MMP15: variants seen among roughly 807,000 people sequenced by gnomAD.
The protein encoded by MMP15 is matrix metallopeptidase 15.
Under a neutral mutation model 65.0 loss-of-function variants are expected in MMP15, and 36 were observed. That is an observed-to-expected ratio of 0.55 (90% CI 0.42 to 0.73). The LOEUF is 0.73. MMP15 is among the 30% of genes least tolerant of loss of function. The pLI is 0.00. For synonymous variants in MMP15, 428 were observed against 410.2 expected (o/e 1.04, Z -0.52); for missense variants, 870 against 987.8 (o/e 0.88, Z 1.60).
chr16:58,026,652 T>C, intron 1 of MMP15, 140 bp downstream of exon 1: 3 of 987,604 alleles, frequency 3.0e-6, no homozygotes, highest in Non-Finnish European at 4.0e-6. Context: ...CAAGCGGACT[T>C]GGCAGTCTGC....
Position 58,037,500 on chromosome 16 carries a change from C to T in MMP15, c.191C>T (p.Pro64Leu), listed in dbSNP as rs1348466148. 1.2e-6 allele frequency: 2 copies of T among 1,613,458 alleles called. No homozygotes were observed. Among genetic ancestry groups the T allele is most frequent in the East Asian group, 2.2e-5 (1 of 44,888 alleles). ...TGGCTGCGGCTTTATGGCTACCTGC[C>T]TCAGCCCAGCCGCCATATGTCCACC... is the stretch of plus-strand genomic sequence containing the variant. ...ENWLRLYGYL[P>L]QPSRHMSTMR... The change falls in exon 2 of 10, where the codon CCT becomes CTT. Residue 64 changes from proline (P) to leucine (L), a missense_variant. Pro to Leu is a moderately conservative substitution (Grantham distance 98, BLOSUM62 -3). Transcript: ENST00000219271.
At chr16:58,035,080 G>A (rs531647963) in intron 1 of MMP15, among the ~76,000 whole-genome samples, 5 of 152,264 alleles carry the variant, frequency 3.3e-5, no homozygotes, top group Admixed American at 2.0e-4. Flanking sequence ...CCACTCCCCC[G>A]GCCTCCAGCT....
chr16:58,034,336 A>G (rs146181488), intron 1 of MMP15, among the ~76,000 whole-genome samples: 1 of 152,298 alleles, frequency 6.6e-6, no homozygotes, highest in Non-Finnish European at 1.5e-5. Flanking sequence ...ACCTGCAGGC[A>G]GCAGCACCTC....
intron 1 of MMP15, among the ~76,000 whole-genome samples, chr16:58,033,179 CG>C (rs1347195582): frequency 2.6e-5 from 4 of 152,242 alleles, no homozygotes; most frequent in Non-Finnish European, 5.9e-5. Flanking sequence ...CGCCCAGACC[CG>C]GCCGGAGATG....
chr16:58,031,216 G>C (rs1010756445), intron 1 of MMP15, among the ~76,000 whole-genome samples: 29 of 152,164 alleles, frequency 1.9e-4, no homozygotes, highest in African/African-American at 6.8e-4. Flanking sequence ...GTCTGGCCTG[G>C]AGCCCAAGTT....
intron 1 of MMP15, among the ~76,000 whole-genome samples, chr16:58,035,863 A>G (rs1049656891): frequency 5.3e-5 from 8 of 152,096 alleles, no homozygotes; most frequent in Admixed American, 2.0e-4. Context: ...TGCTCCGTCT[A>G]TTGGCAGCCT....
Position 58,043,569 on chromosome 16 carries a change from C to G in MMP15, c.1512C>G (p.Ile504Met), listed in dbSNP as rs536146303. 1 of 1,613,884 alleles carries G rather than the reference C, an allele frequency of 6.2e-7. No homozygotes were observed. The highest frequency in any genetic ancestry group is 1.1e-5 in the South Asian group (1 of 91,074). The change falls in exon 9 of 10, where the codon ATC (isoleucine) becomes ATG (methionine). Residue 504 changes from isoleucine to methionine, a missense_variant. By Grantham distance (10) the Ile-to-Met change is conservative. Transcript: ENST00000219271. ...GAGACCCTGGGTACCCCAAGCCCAT[C>G]AGTGTCTGGCAGGGGATCCCTGCCT... ...QRGDPGYPKP[I>M]SVWQGIPASP...
In MMP15 at chr16:58,026,283, C is replaced by T. The variant is rs1168713654; in HGVS notation, c.-68C>T. 8.0e-7 allele frequency: 1 copy of T among 1,242,734 alleles called. No homozygotes were observed. Among genetic ancestry groups the T allele is most frequent in the African/African-American group, 1.6e-5 (1 of 64,276 alleles). The allele number at this position is 1,242,734 out of a possible 1,614,324, so 77.0% of individuals were successfully genotyped here. ...TGCCGGGCCAGGAGCCAGGGAGCGT[C>T]GCAAGTTTCCAAGGCGCGTGCGAGG... On this transcript the variant is annotated 5_prime_UTR_variant, in exon 1 of 10. Coordinates refer to ENST00000219271, the MANE Select transcript of MMP15 (RefSeq NM_002428.4).
chr16:58,028,251 G>T (rs1355435038), intron 1 of MMP15, among the ~76,000 whole-genome samples: 4 of 152,172 alleles, frequency 2.6e-5, no homozygotes, highest in African/African-American at 9.7e-5. Flanking sequence ...CGCCAGGGAA[G>T]AAGCCATGGT....
chr16:58,032,145 G>A (rs1040754186), intron 1 of MMP15, among the ~76,000 whole-genome samples: 1 of 152,184 alleles, frequency 6.6e-6, no homozygotes, highest in South Asian at 2.1e-4. Context: ...AATTATAGGC[G>A]TGAGCTGCCA....
At chr16:58,038,508 G>A (rs1313595609) in intron 3 of MMP15, 114 bp downstream of exon 3, 21 of 1,373,628 alleles carry the variant, frequency 1.5e-5, no homozygotes, top group African/African-American at 2.8e-5. Flanking sequence ...CCGCTTTCAC[G>A]CTGATGAGAC....
intron 7 of MMP15, 131 bp downstream of exon 7, chr16:58,042,500 C>T: frequency 3.8e-6 from 5 of 1,309,464 alleles, no homozygotes; most frequent in Non-Finnish European, 5.2e-6. Flanking sequence ...TGGGCTCACT[C>T]TGGGAGGATG....
Position 58,038,422 on chromosome 16 carries a change from A to C in MMP15, c.440+28A>C, listed in dbSNP as rs762339421. ...AGGGGGCTCAGCTGCCCAGGGAAGC[A>C]TCTGCCCCTCGGCAGGCCGAGCCTC... On this transcript the variant is annotated intron_variant, in intron 3 of 9. Transcript: ENST00000219271. 2.5e-6 allele frequency: 4 copies of C among 1,612,614 alleles called. No homozygotes were observed. The African/African-American group carries it at 5.3e-5, about 22-fold the overall frequency.
chr16:58,033,369 A>G (rs558423528), intron 1 of MMP15, among the ~76,000 whole-genome samples: 1 of 152,186 alleles, frequency 6.6e-6, no homozygotes, highest in Non-Finnish European at 1.5e-5. Context: ...GGCACTCACT[A>G]TCTCTGAACC....
At chr16:58,039,702 C>G (rs183541752) in intron 3 of MMP15, among the ~76,000 whole-genome samples, 173 bp from the exon 4 acceptor site, 35 of 152,374 alleles carry the variant, frequency 2.3e-4, no homozygotes, top group African/African-American at 7.9e-4. Flanking sequence ...TTAATGATAT[C>G]TTCATGATCT....
chr16:58,035,878 A>G (rs947388550), intron 1 of MMP15, among the ~76,000 whole-genome samples: 1 of 152,134 alleles, frequency 6.6e-6, no homozygotes, highest in East Asian at 1.9e-4. Context: ...CAGCCTGGGT[A>G]CCACTGAGCT....
chr16:58,026,691 C>G (rs1440239063), intron 1 of MMP15, among the ~76,000 whole-genome samples, 179 bp downstream of exon 1: 1 of 152,232 alleles, frequency 6.6e-6, no homozygotes, highest in African/African-American at 2.4e-5. Context: ...CTGCAGCGCA[C>G]CTCTTCGCAA....
intron 1 of MMP15, among the ~76,000 whole-genome samples, chr16:58,032,582 C>A (rs1959255715): frequency 6.6e-6 from 1 of 152,234 alleles, no homozygotes; most frequent in African/African-American, 2.4e-5. Flanking sequence ...TCCGCTGATC[C>A]AGGTGGGCCC....
intron 4 of MMP15, 43 bp from the exon 5 acceptor site, chr16:58,040,494 C>T (rs1394624223): frequency 1.3e-6 from 2 of 1,598,404 alleles, no homozygotes; most frequent in Non-Finnish European, 8.5e-7. Context: ...GGTCCTGGGA[C>T]TGGCCACAGC....
Sources: allele counts gnomAD v4.1 joint callset (sites outside exome capture counted in the v4.1 genomes callset), GRCh38; gene constraint gnomAD v4.1.1; transcripts MANE v1.5; gene names NCBI Gene and HGNC (gene_info 2026-07-23, HGNC 2026-07-21).